GNAQ: variants seen among roughly 807,000 people sequenced by gnomAD.
GNAQ encodes G protein subunit alpha q.
In GNAQ, 8 loss-of-function variants were observed where a neutral mutation model predicts 43.9. The ratio of observed to expected loss-of-function variants is 0.18; its 90% CI spans 0.11 to 0.33. The LOEUF is 0.33. GNAQ is among the 10% of genes least tolerant of loss of function. The pLI is 1.00. For synonymous variants in GNAQ, 155 were observed against 170.7 expected (o/e 0.91, Z 0.71); for missense variants, 158 against 450.8 (o/e 0.35, Z 5.88).
intron 1 of GNAQ, among the ~76,000 whole-genome samples, chr9:77,965,268 C>T (rs761265680): frequency 8.5e-5 from 13 of 152,166 alleles, no homozygotes; most frequent in Non-Finnish European, 1.6e-4. Flanking sequence ...ACGAATCAAC[C>T]CTGTCCCCTC....
At chr9:77,835,497 T>C (rs1587938195) in intron 2 of GNAQ, among the ~76,000 whole-genome samples, 1 of 152,156 alleles carries the variant, frequency 6.6e-6, no homozygotes, top group South Asian at 2.1e-4. Flanking sequence ...TAGGGCTATC[T>C]TGAACCAAGT....
chr9:77,746,479 A>C (rs1825731481), intron 5 of GNAQ, among the ~76,000 whole-genome samples: 1 of 152,182 alleles, frequency 6.6e-6, no homozygotes, highest in Non-Finnish European at 1.5e-5. Flanking sequence ...ATTATCTTAT[A>C]TGTTGACCGT....
chr9:77,884,229 C>G (rs886488122), intron 2 of GNAQ, among the ~76,000 whole-genome samples: 6 of 152,170 alleles, frequency 3.9e-5, no homozygotes, highest in Non-Finnish European at 8.8e-5. Flanking sequence ...GGTGACTCCT[C>G]CAGCACTTGC....
intron 1 of GNAQ, among the ~76,000 whole-genome samples, chr9:77,937,784 C>T (rs1004549660): frequency 2.7e-5 from 4 of 150,812 alleles, no homozygotes; most frequent in South Asian, 2.1e-4. Flanking sequence ...CCCAGCTACT[C>T]GGGAGGCTGA....
At chr9:77,848,566 C>T (rs762530669) in intron 2 of GNAQ, among the ~76,000 whole-genome samples, 2 of 152,214 alleles carry the variant, frequency 1.3e-5, no homozygotes, top group Non-Finnish European at 2.9e-5. Context: ...CAGCTCACTG[C>T]CTCTTCCAGA....
intron 1 of GNAQ, among the ~76,000 whole-genome samples, chr9:78,019,919 A>G (rs1418277102): frequency 1.0e-4 from 11 of 109,516 alleles, no homozygotes; most frequent in African/African-American, 3.4e-5. Context: ...GTGAGACTCC[A>G]TCTCAAAAAA....
intron 1 of GNAQ, among the ~76,000 whole-genome samples, chr9:78,013,046 G>C (rs1379863373): frequency 6.6e-6 from 1 of 152,084 alleles, no homozygotes; most frequent in Non-Finnish European, 1.5e-5. Flanking sequence ...AACTACTTCA[G>C]GATTAAGAGG....
At chr9:78,005,449 C>A (rs911727799) in intron 1 of GNAQ, among the ~76,000 whole-genome samples, 1 of 152,138 alleles carries the variant, frequency 6.6e-6, no homozygotes, top group Non-Finnish European at 1.5e-5. Context: ...TCTGGGGAAG[C>A]GGGAGTTTGC....
intron 2 of GNAQ, among the ~76,000 whole-genome samples, chr9:77,888,367 T>C (rs1828344864): frequency 6.6e-6 from 1 of 152,200 alleles, no homozygotes; most frequent in Non-Finnish European, 1.5e-5. Context: ...AATTCTTGAA[T>C]GACTTCTGGA....
At chr9:77,911,223 A>C (rs1828796773) in intron 2 of GNAQ, among the ~76,000 whole-genome samples, 1 of 152,220 alleles carries the variant, frequency 6.6e-6, no homozygotes, top group Non-Finnish European at 1.5e-5. Context: ...ACCAAGCATA[A>C]GCTGGGGGAA....
At chr9:77,989,703 G>T (rs182509616) in intron 1 of GNAQ, among the ~76,000 whole-genome samples, 1 of 152,198 alleles carries the variant, frequency 6.6e-6, no homozygotes, top group African/African-American at 2.4e-5. Context: ...CCTACCACTG[G>T]ACTGCTCCAT....
intron 1 of GNAQ, among the ~76,000 whole-genome samples, chr9:77,933,743 G>C (rs1238128325): frequency 6.6e-6 from 1 of 152,042 alleles, no homozygotes; most frequent in Non-Finnish European, 1.5e-5. Flanking sequence ...AAAATATAAA[G>C]TCATAATAAT....
intron 3 of GNAQ, among the ~76,000 whole-genome samples, chr9:77,811,060 C>T (rs1282362922): frequency 6.6e-6 from 1 of 152,108 alleles, no homozygotes; most frequent in Non-Finnish European, 1.5e-5. Context: ...ACTGCTACTA[C>T]ACTACAACCT....
chr9:77,797,473 T>G (rs1320280259), intron 4 of GNAQ, 47 bp downstream of exon 4: 4 of 1,486,562 alleles, frequency 2.7e-6, no homozygotes, highest in Admixed American at 1.7e-5. Context: ...CCAAATGTAC[T>G]CAAGGCATAA....
chr9:77,902,522 A>C (rs996443312), intron 2 of GNAQ, among the ~76,000 whole-genome samples: 5 of 152,346 alleles, frequency 3.3e-5, no homozygotes, highest in Non-Finnish European at 5.9e-5. Context: ...TTTGACATGG[A>C]ATATCAGCTA....
At position 77,721,648 on chromosome 9, in the gene GNAQ, T is replaced by C. The variant is rs541739421; in HGVS notation, c.890-135A>G. ...CTGCAGATTTGATCTGTTATAATCATTTTCCCTAACACTGCTATGTCTGAC... is the reference window on the plus strand; with the variant it reads ...CTGCAGATTTGATCTGTTATAATCACTTTCCCTAACACTGCTATGTCTGAC... On this transcript the variant is annotated intron_variant, in intron 6 of 6. Coordinates refer to ENST00000286548, the MANE Select transcript of GNAQ (RefSeq NM_002072.5). 8.1e-6 allele frequency: 5 copies of C among 618,224 alleles called. No homozygotes were observed. In the East Asian group the frequency reaches 1.1e-4, roughly 14 times the overall value. The allele number at this position is 618,224 out of a possible 1,614,324, so 38.3% of individuals were successfully genotyped here.
At chr9:77,879,210 A>C (rs534955383) in intron 2 of GNAQ, among the ~76,000 whole-genome samples, 30 of 152,296 alleles carry the variant, frequency 2.0e-4, no homozygotes, top group African/African-American at 7.2e-4. Context: ...ATTTTTTAAA[A>C]AATTGTCTGT....
At chr9:77,759,554 G>A (rs966541225) in intron 5 of GNAQ, among the ~76,000 whole-genome samples, 2 of 152,138 alleles carry the variant, frequency 1.3e-5, no homozygotes, top group African/African-American at 4.8e-5. Flanking sequence ...GTGACTCTAA[G>A]TACTGCTCCC....
At chr9:77,981,868 C>T (rs995771747) in intron 1 of GNAQ, among the ~76,000 whole-genome samples, 13 of 152,194 alleles carry the variant, frequency 8.5e-5, no homozygotes. Context: ...AATTCCCTAT[C>T]ACTTCCATAT....
Sources: allele counts gnomAD v4.1 joint callset (sites outside exome capture counted in the v4.1 genomes callset), GRCh38; gene constraint gnomAD v4.1.1; transcripts MANE v1.5; gene names NCBI Gene and HGNC (gene_info 2026-07-23, HGNC 2026-07-21).